Variants in DLC1 observed in about 807,000 individuals in gnomAD.
The protein encoded by DLC1 is DLC1 Rho GTPase activating protein.
A neutral mutation model predicts 140.3 loss-of-function variants in DLC1; 54 were observed. That is an observed-to-expected ratio of 0.38 (90% CI 0.31 to 0.48). The LOEUF is 0.48. DLC1 is among the 20% of genes least tolerant of loss of function. DLC1 has a pLI of 0.96. For synonymous variants in DLC1, 986 were observed against 728.1 expected, an observed-to-expected ratio of 1.35 and a Z score of -5.70; for missense variants, 2,536 against 1,907.0, an observed-to-expected ratio of 1.33 and a Z score of -6.14.
rs547837568 is a variant in DLC1 at position 13,258,161 on chromosome 8, C to A, written c.1348+47108G>T. On this transcript the variant is annotated intron_variant, in intron 5 of 17. Coordinates refer to ENST00000276297, the MANE Select transcript of DLC1 (RefSeq NM_182643.3). ...GGTAAGAGAAACAAAACATTCCAGT[C>A]CCTGAAGATTAACAGTCTAAGCGTC... 2.0e-5 allele frequency among the ~76,000 whole-genome samples: 3 copies of A among 152,276 alleles called. No homozygotes were observed. The South Asian group carries it at 6.2e-4, about 32-fold the overall frequency.
chr8:13,526,027 TC>T (rs1351814590), intron 1 of DLC1, among the ~76,000 whole-genome samples: 1 of 152,242 alleles, frequency 6.6e-6, no homozygotes, highest in East Asian at 1.9e-4. Context: ...CAAAGTTTTT[TC>T]TTTTTAAGTA....
chr8:13,329,883 AG>A (rs5889434), intron 4 of DLC1, among the ~76,000 whole-genome samples: 45,655 of 152,032 alleles, frequency 0.3, 7,691 homozygotes, highest in Non-Finnish European at 0.39. Flanking sequence ...AAGTGTACAA[AG>A]TCCATGTTTA....
At chr8:13,480,037 G>A (rs557377128) in intron 2 of DLC1, among the ~76,000 whole-genome samples, 1 of 152,142 alleles carries the variant, frequency 6.6e-6, no homozygotes, top group Non-Finnish European at 1.5e-5. Context: ...CTTGCAGTCC[G>A]ACCTGAGTGA....
chr8:13,373,965 T>A (rs1260187955), intron 4 of DLC1, among the ~76,000 whole-genome samples: 4 of 152,190 alleles, frequency 2.6e-5, no homozygotes, highest in Non-Finnish European at 5.9e-5. Context: ...AATTTCCAGA[T>A]TTGCAAAGAT....
chr8:13,283,925 G>A (rs932708681), intron 5 of DLC1, among the ~76,000 whole-genome samples: 1 of 152,266 alleles, frequency 6.6e-6, no homozygotes, highest in Non-Finnish European at 1.5e-5. Flanking sequence ...GATCTGCAGA[G>A]GGGTCTTCCC....
chr8:13,294,976 A>G (rs1175082604), intron 5 of DLC1, among the ~76,000 whole-genome samples: 1 of 152,204 alleles, frequency 6.6e-6, no homozygotes, highest in African/African-American at 2.4e-5. Flanking sequence ...TGTTATTATT[A>G]CCAATTCAGT....
intron 5 of DLC1, among the ~76,000 whole-genome samples, chr8:13,303,293 GGA>G (rs1469762810): frequency 5.9e-5 from 9 of 152,052 alleles, no homozygotes; most frequent in Non-Finnish European, 8.8e-5. Flanking sequence ...TGGGGCCTGT[GGA>G]GATCACATAT....
chr8:13,463,908 C>G (rs907664460), intron 2 of DLC1, among the ~76,000 whole-genome samples: 3 of 152,042 alleles, frequency 2.0e-5, no homozygotes, highest in African/African-American at 4.8e-5. Flanking sequence ...TGGAGCTAAC[C>G]TATTTCCTTG....
intron 5 of DLC1, among the ~76,000 whole-genome samples, chr8:13,122,937 A>C (rs1821222707): frequency 6.6e-6 from 1 of 152,194 alleles, no homozygotes; most frequent in Non-Finnish European, 1.5e-5. Context: ...TGTTTAGCTA[A>C]AGCTAATCAT....
intron 4 of DLC1, among the ~76,000 whole-genome samples, chr8:13,367,935 A>G (rs893606552): frequency 1.3e-5 from 2 of 151,948 alleles, no homozygotes; most frequent in South Asian, 2.1e-4. Context: ...ATAAACATAG[A>G]CTCTCTTCAA....
Position 13,327,113 on chromosome 8 carries a change from C to G in DLC1, c.1315-21811G>C, listed in dbSNP as rs1012929557. Among the ~76,000 whole-genome samples the G allele has an allele frequency of 2.2e-4, 32 of 146,034 alleles. 1 individual carries two copies. In the East Asian group the frequency reaches 5.4e-3, roughly 25 times the overall value. On this transcript the variant is annotated intron_variant, in intron 4 of 17. Transcript: ENST00000276297. ...GGGACTATAGGCGCCCGCCACCACA[C>G]CCGGCTATTTTTTTTTTTTTTTTTT... is the stretch of plus-strand genomic sequence containing the variant.
intron 5 of DLC1, among the ~76,000 whole-genome samples, chr8:13,293,515 T>A (rs1586083076): frequency 6.6e-6 from 1 of 152,334 alleles, no homozygotes; most frequent in East Asian, 1.9e-4. Flanking sequence ...TATGAGTTGT[T>A]TCATCTGCCA....
intron 5 of DLC1, among the ~76,000 whole-genome samples, chr8:13,244,290 C>G (rs959763829): frequency 6.7e-6 from 1 of 148,390 alleles, no homozygotes; most frequent in South Asian, 2.2e-4. Context: ...ATGATCTTCC[C>G]TTTCCAATTT....
intron 5 of DLC1, among the ~76,000 whole-genome samples, chr8:13,257,251 C>G (rs185248238): frequency 1.3e-3 from 200 of 150,296 alleles, no homozygotes; most frequent in African/African-American, 4.8e-3. Flanking sequence ...ACCTGGGCAA[C>G]ATAATGAGAC....
At chr8:13,404,995 G>A (rs1035307436) in intron 2 of DLC1, among the ~76,000 whole-genome samples, 1 of 151,836 alleles carries the variant, frequency 6.6e-6, no homozygotes, top group African/African-American at 2.4e-5. Context: ...CAATGAGAGT[G>A]AAACTCCATC....
chr8:13,431,438 A>G (rs368060311), intron 2 of DLC1, among the ~76,000 whole-genome samples: 15 of 131,772 alleles, frequency 1.1e-4, no homozygotes, highest in African/African-American at 3.4e-4. Flanking sequence ...AGCCAAGATC[A>G]CGCCACTGCA....
intron 1 of DLC1, among the ~76,000 whole-genome samples, chr8:13,581,199 A>G (rs7817551): frequency 0.14 from 21,430 of 152,248 alleles, 1,854 homozygotes; most frequent in African/African-American, 0.24. Flanking sequence ...GTGTTAGCTC[A>G]TAATTGCTCT....
chr8:13,284,390 G>A (rs1311453774), intron 5 of DLC1, among the ~76,000 whole-genome samples: 1 of 152,106 alleles, frequency 6.6e-6, no homozygotes, highest in East Asian at 1.9e-4. Flanking sequence ...AGCTGGGCGT[G>A]GTGGCGGGCG....
chr8:13,365,173 C>G (rs75273506), intron 4 of DLC1, among the ~76,000 whole-genome samples: 3 of 152,104 alleles, frequency 2.0e-5, no homozygotes, highest in African/African-American at 7.2e-5. Flanking sequence ...TTGCACAGGT[C>G]GAGAGAATAC....
Sources: allele counts gnomAD v4.1 joint callset (sites outside exome capture counted in the v4.1 genomes callset), GRCh38; gene constraint gnomAD v4.1.1; transcripts MANE v1.5; gene names NCBI Gene and HGNC (gene_info 2026-07-23, HGNC 2026-07-21).